Variants in PSKH2 observed in about 807,000 individuals in gnomAD.
The protein encoded by PSKH2 is serine/threonine-protein kinase H2.
Under a neutral mutation model 22.5 loss-of-function variants are expected in PSKH2, and 16 were observed. The observed-to-expected ratio is 0.71, with a 90% CI of 0.48 to 1.08. PSKH2 has a LOEUF of 1.08. Among genes scored for constraint, PSKH2 ranks in the 50% least tolerant of loss-of-function variants. The pLI, the probability that PSKH2 is intolerant of heterozygous loss-of-function variation, is 0.00. For synonymous variants in PSKH2, 188 were observed against 184.8 expected, an observed-to-expected ratio of 1.02 and a Z score of -0.14; for missense variants, 516 against 492.8, an observed-to-expected ratio of 1.05 and a Z score of -0.44.
intron 2 of PSKH2, among the ~76,000 whole-genome samples, chr8:86,055,160 G>T (rs1452538208): frequency 1.3e-5 from 2 of 152,090 alleles, no homozygotes; most frequent in Non-Finnish European, 2.9e-5. Context: ...TATAAACATA[G>T]TATTAATATT....
chr8:86,058,124 G>T (rs1015925076), intron 2 of PSKH2, among the ~76,000 whole-genome samples: 1 of 152,146 alleles, frequency 6.6e-6, no homozygotes, highest in Non-Finnish European at 1.5e-5. Context: ...CCATCCAAAA[G>T]CCATTGTGAT....
chr8:86,052,144 C>A (rs1169187476), intron 2 of PSKH2, among the ~76,000 whole-genome samples: 1 of 152,052 alleles, frequency 6.6e-6, no homozygotes, highest in Non-Finnish European at 1.5e-5. Context: ...CCAAAAACAA[C>A]TAGGAAACCA....
chr8:86,048,695 T>C lies in PSKH2; in HGVS notation c.925A>G (p.Met309Val). 1 of 1,614,092 alleles carries C rather than the reference T, an allele frequency of 6.2e-7. No individual in the cohort carries two copies. Among genetic ancestry groups the C allele is most frequent in the Non-Finnish European group, 8.5e-7 (1 of 1,180,014 alleles). The change falls in exon 3 of 3, where the codon ATG becomes GTG. Residue 309 changes from methionine to valine, a missense_variant. Physicochemically the swap from Met to Val is conservative, Grantham distance 21 (BLOSUM62 1). Transcript: ENST00000276616. ...KLLILEAGHRMSAGQALDHPW... is the reference protein window; with the variant it reads ...KLLILEAGHRVSAGQALDHPW... Reference sequence around the variant, plus strand: ...TGGTCCAGGGCCTGGCCAGCTGACATGCGATGACCAGCCTCCAAAATCAGT... The same window carrying C: ...TGGTCCAGGGCCTGGCCAGCTGACACGCGATGACCAGCCTCCAAAATCAGT...
intron 2 of PSKH2, among the ~76,000 whole-genome samples, chr8:86,059,255 T>G (rs1472573024): frequency 6.6e-6 from 1 of 152,214 alleles, no homozygotes. Context: ...TAATTTGATG[T>G]TTATACCTGA....
intron 2 of PSKH2, among the ~76,000 whole-genome samples, chr8:86,051,591 A>T (rs1421307366): frequency 6.6e-6 from 1 of 152,198 alleles, no homozygotes; most frequent in Non-Finnish European, 1.5e-5. Flanking sequence ...AGTGACTGAC[A>T]CTCACAATGC....
At position 86,048,664 on chromosome 8, in the gene PSKH2, C is replaced by T. The variant is rs771585362; in HGVS notation, c.956G>A (p.Trp319Ter). 7 of 1,614,126 alleles carry T rather than the reference C, an allele frequency of 4.3e-6. No homozygotes were observed. In the South Asian group the frequency reaches 7.7e-5, roughly 18 times the overall value. ...AGACCCTGCAGCCATGGTGATCACC[C>T]AGGGATGGTCCAGGGCCTGGCCAGC... ...MSAGQALDHPWVITMAAGSSM... is the reference protein window; with the variant it reads ...MSAGQALDHP The change falls in exon 3 of 3, where the codon TGG (tryptophan) becomes TAG (stop). Residue 319 changes from tryptophan to a stop codon, truncating the protein, a stop_gained. Coordinates refer to ENST00000276616, the MANE Select transcript of PSKH2 (RefSeq NM_033126.3). LOFTEE classifies it low-confidence loss of function (END_TRUNC).
chr8:86,064,674 G>A (rs1177307832), intron 1 of PSKH2, 43 bp from the exon 2 acceptor site: 2 of 1,468,764 alleles, frequency 1.4e-6, no homozygotes, highest in South Asian at 1.2e-5. Flanking sequence ...CAGAAGTGAT[G>A]ATTCTCAAAA....
At chr8:86,067,494 G>A (rs528957548) in intron 1 of PSKH2, among the ~76,000 whole-genome samples, 3 of 151,290 alleles carry the variant, frequency 2.0e-5, no homozygotes, top group Admixed American at 6.6e-5. Context: ...CCTTTATAAG[G>A]TCTTTTCATT....
intron 2 of PSKH2, among the ~76,000 whole-genome samples, chr8:86,049,653 GAGAGAGAGAA>G (rs2130137812): frequency 7.0e-6 from 1 of 143,534 alleles, no homozygotes; most frequent in Admixed American, 7.1e-5. Context: ...GGCAGAGAGA[GAGAGAGAGAA>G]AGAGTGAGAA....
rs1174249657 is a variant in PSKH2, at chr8:86,069,578, C to T, written c.45G>A (p.Ala15=). The T allele has an allele frequency of 6.2e-7, 1 of 1,600,060 alleles. No individual in the cohort carries two copies. Residue 15 remains alanine, a synonymous_variant, in exon 1 of 3, where the codon GCG becomes GCA. Coordinates refer to ENST00000276616, the MANE Select transcript of PSKH2 (RefSeq NM_033126.3). ...GACCTTCGTGCTTGGCCCAAGCCAG[C>T]GCTGGTGGCCCCGGGACCACCTTCC... The part of the protein sequence containing the change: ...ASRKVVPGPP[A]LAWAKHEGQN...
At chr8:86,069,682 C>T (rs1473340306), upstream of PSKH2, 67 of 1,433,064 alleles carry the variant, frequency 4.7e-5, no homozygotes, top group Non-Finnish European at 5.8e-5. Flanking sequence ...CAGCCCCGTT[C>T]CTCCGCCCTT....
rs1349305946 is a variant in PSKH2 at position 86,048,328 on chromosome 8, C to A, written c.*134G>T. The A allele has an allele frequency of 2.4e-5, 16 of 664,498 alleles. No individual in the cohort carries two copies. Among genetic ancestry groups the A allele is most frequent in the South Asian group, 9.7e-5 (4 of 41,170 alleles). 41.2% of individuals were successfully genotyped at this position (664,498 alleles called of 1,614,324 possible). On this transcript the variant is annotated 3_prime_UTR_variant, in exon 3 of 3. Coordinates refer to ENST00000276616, the MANE Select transcript of PSKH2 (RefSeq NM_033126.3). ...TACAGGTATAGGAAAAATTATAGAACAAGAAAATGTTAAAAGTCAAGATCA... is the reference window on the plus strand; with the variant it reads ...TACAGGTATAGGAAAAATTATAGAAAAAGAAAATGTTAAAAGTCAAGATCA...
In PSKH2 at chr8:86,064,513, T is replaced by A. The variant is rs1436607065; in HGVS notation, c.304A>T (p.Arg102Ter). The A allele has an allele frequency of 6.2e-7, 1 of 1,613,942 alleles. No homozygotes were observed. Among genetic ancestry groups the A allele is most frequent in the Non-Finnish European group, 8.5e-7 (1 of 1,179,928 alleles). The change falls in exon 2 of 3, where the codon AGA (arginine) becomes TGA (stop). Residue 102 changes from arginine to a stop codon, truncating the protein, a stop_gained. Transcript: ENST00000276616. LOFTEE classifies it high-confidence loss of function. ...CTCAGCTCAGACACGCACGCTTCTC[T>A]ACCTTCCCTCTCTCTGGTTTCCATC... ...KVMETREREG[R>*]EACVSELSVL...
chr8:86,049,716 AAGAAAGAAAGAAAGAAAGAAAGAAAG>A (rs1817590810), intron 2 of PSKH2, among the ~76,000 whole-genome samples: 1 of 71,180 alleles, frequency 1.4e-5, no homozygotes, highest in South Asian at 8.4e-4. Flanking sequence ...GAAAGAAAGA[AAGAAAGAAAGAAAGAAAGAAAGAAAG>A]AAAGAAACGA....
intron 2 of PSKH2, among the ~76,000 whole-genome samples, chr8:86,062,300 T>A (rs528296696): frequency 6.6e-6 from 1 of 152,338 alleles, no homozygotes; most frequent in South Asian, 2.1e-4. Context: ...ATTTTTTACT[T>A]TTGTAAACAT....
rs565957544 is a variant in PSKH2, at chr8:86,051,189, CCATGCTGGGAGAGTGCCTCACTCTCA to C, written c.853-2448_853-2423del. Among the ~76,000 whole-genome samples, 132 of 152,094 alleles carry C rather than the reference CCATGCTGGGAGAGTGCCTCACTCTCA, an allele frequency of 8.7e-4. 1 individual carries two copies. The highest frequency in any genetic ancestry group is 6.8e-3 in the Middle Eastern group (2 of 292). ...CAGGCGATTCTCGTGCCTCACTCTC[CCATGCTGGGAGAGTGCCTCACTCTCA>C]CATGCTGGGATTACAGGCATGTGCC... On this transcript the variant is annotated intron_variant, in intron 2 of 2. Transcript: ENST00000276616.
At chr8:86,069,725 C>A (rs1367425208), upstream of PSKH2, 4 of 1,313,520 alleles carry the variant, frequency 3.0e-6, no homozygotes, top group South Asian at 1.7e-5. Flanking sequence ...GCGGGACCCT[C>A]GGAAAGAAAC....
rs183597573 is a variant in PSKH2, at chr8:86,069,003, T to C, written c.185+435A>G. Among the ~76,000 whole-genome samples the C allele has an allele frequency of 2.0e-5, 3 of 151,280 alleles. No homozygotes were observed. In the South Asian group the frequency reaches 6.3e-4, roughly 32 times the overall value. ...TTATCCCAGACTATTGCAATAGGAG[T>C]CGAGGCTTCTGCAACAGGGGAAAGA... On this transcript the variant is annotated intron_variant, in intron 1 of 2. Transcript: ENST00000276616.
At position 86,064,038 on chromosome 8, in the gene PSKH2, A is replaced by G. The variant is rs1817815974; in HGVS notation, c.779T>C (p.Leu260Pro). Residue 260 changes from leucine (L) to proline (P), a missense_variant, in exon 2 of 3, where the codon CTG becomes CCG. Physicochemically the swap from Leu to Pro is moderately conservative, Grantham distance 98 (BLOSUM62 -3). Transcript: ENST00000276616. ...VITYALLSGF[L>P]PFDDESQTRL... ...TGTCTGGCTTTCATCATCAAAAGGC[A>G]GGAATCCGCTAAGTAAAGCATATGT... is the stretch of plus-strand genomic sequence containing the variant. 6.2e-7 allele frequency: 1 copy of G among 1,614,042 alleles called. No individual in the cohort carries two copies. Among genetic ancestry groups the G allele is most frequent in the Non-Finnish European group, 8.5e-7 (1 of 1,180,018 alleles).
Sources: gnomAD v4.1 joint callset for allele counts (sites outside exome capture counted in the v4.1 genomes callset) on GRCh38, gnomAD v4.1.1 for gene constraint, MANE v1.5 for transcripts, NCBI Gene and HGNC (gene_info 2026-07-23, HGNC 2026-07-21) for gene names.